The following DAB1 variants were observed in gnomAD, a reference collection of about 807,000 sequenced individuals.
DAB1 encodes DAB adaptor protein 1.
DAB1 carries 15 observed loss-of-function variants against 64.6 expected under a neutral mutation model. The ratio of observed to expected loss-of-function variants is 0.23; its 90% confidence interval spans 0.16 to 0.36. DAB1 has a LOEUF of 0.36. Among genes scored for constraint, DAB1 ranks in the 10% least tolerant of loss-of-function variants. The pLI, the probability that DAB1 is intolerant of heterozygous loss-of-function variation, is 1.00. For synonymous variants in DAB1, 235 were observed against 251.9 expected, an observed-to-expected ratio of 0.93 and a Z score of 0.64; for missense variants, 596 against 706.7, an observed-to-expected ratio of 0.84 and a Z score of 1.78.
intron 3 of DAB1, among the ~76,000 whole-genome samples, chr1:58,354,153 G>A (rs1004409768): frequency 5.3e-5 from 8 of 152,128 alleles, no homozygotes; most frequent in South Asian, 2.1e-4. Context: ...ATGTAATGAC[G>A]GTGGGAATAA....
At chr1:58,229,257 C>T (rs1378328505) in intron 4 of DAB1, among the ~76,000 whole-genome samples, 1 of 152,158 alleles carries the variant, frequency 6.6e-6, no homozygotes, top group East Asian at 1.9e-4. Flanking sequence ...GCCTGAGCCA[C>T]CATGCTTGGC....
chr1:58,241,422 A>C (rs1365789520), intron 4 of DAB1, among the ~76,000 whole-genome samples: 1 of 152,054 alleles, frequency 6.6e-6, no homozygotes, highest in Non-Finnish European at 1.5e-5. Context: ...AACCCCTTTG[A>C]GCCTTGCCCT....
chr1:57,697,340 C>A (rs949958226), intron 6 of DAB1, among the ~76,000 whole-genome samples: 31 of 143,416 alleles, frequency 2.2e-4, no homozygotes, highest in Admixed American at 1.9e-3. Context: ...ATGTGCTTCA[C>A]TAGCAGAATC....
At chr1:57,411,187 G>A (rs1684080117) in intron 1 of DAB1, among the ~76,000 whole-genome samples, 1 of 152,106 alleles carries the variant, frequency 6.6e-6, no homozygotes, top group South Asian at 2.1e-4. Context: ...TCCTCACATA[G>A]TCAAAAACCC....
chr1:58,514,264 A>C (rs1646126573), intron 2 of DAB1, among the ~76,000 whole-genome samples: 1 of 152,206 alleles, frequency 6.6e-6, no homozygotes, highest in Non-Finnish European at 1.5e-5. Flanking sequence ...TTAAATTATA[A>C]ATTCAGTGGG....
chr1:58,358,451 G>T (rs530593804), intron 3 of DAB1, among the ~76,000 whole-genome samples: 1 of 152,194 alleles, frequency 6.6e-6, no homozygotes, highest in East Asian at 1.9e-4. Context: ...TCTAGTTAAG[G>T]GAAAACAACT....
At chr1:58,241,906 T>C (rs1039092394) in intron 4 of DAB1, among the ~76,000 whole-genome samples, 2 of 152,080 alleles carry the variant, frequency 1.3e-5, no homozygotes, top group South Asian at 4.1e-4. Flanking sequence ...GAAAACAATA[T>C]GGCATCATCT....
In DAB1 at chr1:58,375,315, G is replaced by A. The variant is rs1410524718; in HGVS notation, n.258-31912C>T. Among the ~76,000 whole-genome samples, 172 of 142,020 alleles carry A rather than the reference G, an allele frequency of 1.2e-3. 1 individual carries two copies. Among genetic ancestry groups the A allele is most frequent in the African/African-American group, 4.4e-3 (165 of 37,126 alleles). 93.2% of individuals were successfully genotyped at this position (142,020 alleles called of 152,430 possible). A position where few individuals can be genotyped will look rare whatever the true frequency, so the allele number is the denominator to read the frequency against. ...CCATTCAGTATGATATTGGCTGTGG[G>A]TTTGTCATAGATAGCTCTTATTATT... is the stretch of plus-strand genomic sequence containing the variant. On this transcript the variant is annotated intron_variant and non_coding_transcript_variant, in intron 3 of 20. Coordinates refer to the DAB1 transcript ENST00000485760.
At chr1:57,517,739 G>A (rs59078890) in intron 7 of DAB1, among the ~76,000 whole-genome samples, 10,647 of 152,286 alleles carry the variant, frequency 0.07, 1,164 homozygotes, top group African/African-American at 0.23. Flanking sequence ...TCAGAAACCT[G>A]TGCATAAAAG....
At position 57,653,684 on chromosome 1, in the gene DAB1, C is replaced by T. The variant is rs1570708397; in HGVS notation, n.552-4019G>A. On this transcript the variant is annotated intron_variant and non_coding_transcript_variant, in intron 6 of 20. Transcript: ENST00000485760. ...CTGCAGTGAAGTGGCACTATCTCTGCTCACTGCAACCTCTGCCTCCCCAGC... is the reference window on the plus strand; with the variant it reads ...CTGCAGTGAAGTGGCACTATCTCTGTTCACTGCAACCTCTGCCTCCCCAGC... Among the ~76,000 whole-genome samples, 3 of 152,258 alleles carry T rather than the reference C, an allele frequency of 2.0e-5. No homozygotes were observed. In the South Asian group the frequency reaches 6.2e-4, roughly 32 times the overall value.
chr1:57,778,507 G>C (rs1649919894), intron 6 of DAB1, among the ~76,000 whole-genome samples: 1 of 151,882 alleles, frequency 6.6e-6, no homozygotes, highest in African/African-American at 2.4e-5. Context: ...TCTTATATTA[G>C]CTATTTCTTA....
intron 4 of DAB1, among the ~76,000 whole-genome samples, chr1:57,075,931 C>G (rs1651946360): frequency 6.6e-6 from 1 of 152,146 alleles, no homozygotes; most frequent in Non-Finnish European, 1.5e-5. Context: ...AAGAAGAGAA[C>G]TGGGTAAGGG....
At chr1:57,409,021 T>C in intron 1 of DAB1, among the ~76,000 whole-genome samples, 1 of 152,168 alleles carries the variant, frequency 6.6e-6, no homozygotes, top group East Asian at 1.9e-4. Context: ...CCCCTAGACG[T>C]GGTGGAGTCT....
At chr1:57,136,416 T>C (rs1276672756) in intron 4 of DAB1, 127 bp downstream of exon 4, 3 of 465,214 alleles carry the variant, frequency 6.4e-6, no homozygotes, top group South Asian at 5.7e-5. Flanking sequence ...TCAGAGTTGA[T>C]CAAGTTTGTC....
chr1:58,330,829 T>C (rs764818364), intron 4 of DAB1, among the ~76,000 whole-genome samples: 1 of 152,182 alleles, frequency 6.6e-6, no homozygotes, highest in Non-Finnish European at 1.5e-5. Flanking sequence ...CAAAATATTG[T>C]ATTATTGAAA....
chr1:58,196,049 A>G (rs1657659382), intron 4 of DAB1, among the ~76,000 whole-genome samples: 1 of 152,198 alleles, frequency 6.6e-6, no homozygotes, highest in South Asian at 2.1e-4. Flanking sequence ...GCTCAGAGAA[A>G]AAGTAAAGGC....
chr1:57,535,220 A>G (rs1204766300), intron 7 of DAB1, among the ~76,000 whole-genome samples: 2 of 152,158 alleles, frequency 1.3e-5, no homozygotes, highest in Non-Finnish European at 2.9e-5. Context: ...TTTATTGTCT[A>G]TCTTTCCTAC....
At chr1:57,358,157 T>G (rs1679274032) in intron 1 of DAB1, among the ~76,000 whole-genome samples, 1 of 152,058 alleles carries the variant, frequency 6.6e-6, no homozygotes, top group Non-Finnish European at 1.5e-5. Flanking sequence ...TCTTCACTAA[T>G]TGCTCTGGCT....
chr1:58,169,024 C>A (rs989261360), intron 4 of DAB1, among the ~76,000 whole-genome samples: 1 of 152,176 alleles, frequency 6.6e-6, no homozygotes, highest in African/African-American at 2.4e-5. Flanking sequence ...GTCCTCCTTG[C>A]AGTCTAGGAG....
Sources: allele counts gnomAD v4.1 joint callset (sites outside exome capture counted in the v4.1 genomes callset), GRCh38; gene constraint gnomAD v4.1.1; transcripts MANE v1.5; gene names NCBI Gene and HGNC (gene_info 2026-07-23, HGNC 2026-07-21).